The following TEAD2 variants were observed in gnomAD, a reference collection of about 807,000 sequenced individuals.
The protein encoded by TEAD2 is transcriptional enhancer factor TEF-4.
A neutral mutation model predicts 61.4 loss-of-function variants in TEAD2; 51 were observed. The observed-to-expected ratio is 0.83, with a 90% CI of 0.66 to 1.05. The LOEUF is 1.05. Among genes scored for constraint, TEAD2 ranks in the 50% least tolerant of loss-of-function variants. The pLI, the probability that TEAD2 is intolerant of heterozygous loss-of-function variation, is 0.00. For missense variants in TEAD2, 509 were observed against 600.0 expected (o/e 0.85, Z 1.58); for synonymous variants, 244 against 243.2 (o/e 1.00, Z -0.03).
intron 9 of TEAD2, among the ~76,000 whole-genome samples, chr19:49,347,677 CAT>C (rs1205016449): frequency 1.3e-5 from 2 of 152,170 alleles, no homozygotes; most frequent in Non-Finnish European, 2.9e-5. Context: ...GTTCATCCCT[CAT>C]GTGGCTCCAG....
chr19:49,351,598 A>C (rs1972028304), intron 7 of TEAD2, among the ~76,000 whole-genome samples: 1 of 152,184 alleles, frequency 6.6e-6, no homozygotes, highest in Non-Finnish European at 1.5e-5. Flanking sequence ...GTTGAGATGC[A>C]GCAGAGCTGG....
Position 49,359,366 on chromosome 19 carries a change from G to T in TEAD2, c.297+69C>A. The T allele has an allele frequency of 1.4e-6, 2 of 1,453,776 alleles. No individual in the cohort carries two copies. Among genetic ancestry groups the T allele is most frequent in the Non-Finnish European group, 1.9e-6 (2 of 1,036,644 alleles). The allele number at this position is 1,453,776 out of a possible 1,614,324, so 90.1% of individuals were successfully genotyped here. ...CAGCTTCTTCCTTGAACCTGAACCTGCCCATGCGAGGATGACCCTAAGAAG... is the reference window on the plus strand; with the variant it reads ...CAGCTTCTTCCTTGAACCTGAACCTTCCCATGCGAGGATGACCCTAAGAAG... On this transcript the variant is annotated intron_variant, in intron 3 of 12. Transcript: ENST00000593945. The surrounding 1 kb of genome is among the most constrained non-coding windows in gnomAD (Gnocchi z 4.1).
intron 7 of TEAD2, among the ~76,000 whole-genome samples, chr19:49,352,488 C>G (rs1355961665): frequency 6.6e-6 from 1 of 152,100 alleles, no homozygotes; most frequent in Non-Finnish European, 1.5e-5. Flanking sequence ...GCAGGAAGAT[C>G]GCTTGAGCCC....
chr19:49,357,336 C>A (rs375678005), intron 3 of TEAD2, 22 bp from the exon 4 acceptor site: 2 of 1,613,020 alleles, frequency 1.2e-6, no homozygotes, highest in Admixed American at 3.3e-5. Context: ...AACGGAGAAG[C>A]AGATTCAGGC....
rs1972641013 is a variant in TEAD2 at position 49,359,324 on chromosome 19, G to C, written c.297+111C>G. 1 of 903,966 alleles carries C rather than the reference G, an allele frequency of 1.1e-6. No individual in the cohort carries two copies. The highest frequency in any genetic ancestry group is 1.8e-6 in the Non-Finnish European group (1 of 548,774). The allele number at this position is 903,966 out of a possible 1,614,324, so 56.0% of individuals were successfully genotyped here. On this transcript the variant is annotated intron_variant, in intron 3 of 12. Coordinates refer to ENST00000593945, the MANE Select transcript of TEAD2 (RefSeq NM_001256660.2). This position sits in a 1 kb window ranked among gnomAD's most constrained non-coding sequence, Gnocchi z 4.1. ...GACTAACACACATGCCGAGAAGACA[G>C]ATGAACGCACAGGAAGCAGCTTCTT...
intron 9 of TEAD2, among the ~76,000 whole-genome samples, chr19:49,348,431 T>C (rs1971787252): frequency 6.6e-6 from 1 of 152,162 alleles, no homozygotes; most frequent in African/African-American, 2.4e-5. Context: ...TCCCAACTTG[T>C]CACCCTATGA....
chr19:49,356,794 C>A (rs1824682769), intron 4 of TEAD2, among the ~76,000 whole-genome samples: 1 of 151,954 alleles, frequency 6.6e-6, no homozygotes, highest in South Asian at 2.1e-4. Flanking sequence ...CTCCTCCATG[C>A]CATCGCTCCC....
intron 1 of TEAD2, among the ~76,000 whole-genome samples, chr19:49,360,620 A>G (rs977977993): frequency 6.6e-6 from 1 of 152,000 alleles, no homozygotes; most frequent in African/African-American, 2.4e-5. Context: ...TGGGGAAGGA[A>G]GGTGTGGGTG....
intron 1 of TEAD2, 112 bp from the exon 2 acceptor site, chr19:49,360,193 A>C (rs959361648): frequency 1.2e-6 from 1 of 816,506 alleles, no homozygotes; most frequent in Non-Finnish European, 1.9e-6. Flanking sequence ...GGGGCTGGGG[A>C]CCTGGACTCC....
At chr19:49,354,467 G>A (rs1283282629) in intron 7 of TEAD2, among the ~76,000 whole-genome samples, 2 of 150,284 alleles carry the variant, frequency 1.3e-5, no homozygotes, top group Admixed American at 6.6e-5. Flanking sequence ...TTGTGCCACC[G>A]CACCCCAGCT....
intron 7 of TEAD2, among the ~76,000 whole-genome samples, chr19:49,352,460 C>T (rs1343502785): frequency 6.6e-6 from 1 of 152,146 alleles, no homozygotes; most frequent in Non-Finnish European, 1.5e-5. Flanking sequence ...TGTATTCCCA[C>T]CACTTTGGGA....
At chr19:49,344,007 A>C (rs539093167) in intron 10 of TEAD2, among the ~76,000 whole-genome samples, 20 of 151,986 alleles carry the variant, frequency 1.3e-4, no homozygotes, top group Admixed American at 9.2e-4. Flanking sequence ...CACCACATCC[A>C]GCTAATATTT....
chr19:49,347,895 C>T (rs537970357), intron 9 of TEAD2, among the ~76,000 whole-genome samples: 8 of 152,324 alleles, frequency 5.3e-5, no homozygotes, highest in South Asian at 2.1e-4. Flanking sequence ...GAGACTGCTA[C>T]GTGTTCACAA....
At position 49,358,377 on chromosome 19, in the gene TEAD2, T is replaced by C. The variant is rs552877449; in HGVS notation, c.297+1058A>G. ...CTGCAGTGAGCTGAGATCACGGCAC[T>C]GCACTCCAGCTTGGGAGACACAGTG... On this transcript the variant is annotated intron_variant, in intron 3 of 12. Coordinates refer to ENST00000593945, the MANE Select transcript of TEAD2 (RefSeq NM_001256660.2). Among the ~76,000 whole-genome samples, 23 of 152,118 alleles carry C rather than the reference T, an allele frequency of 1.5e-4. No individual in the cohort carries two copies. The South Asian group carries it at 3.3e-3, about 22-fold the overall frequency.
At position 49,341,581 on chromosome 19, in the gene TEAD2, G is replaced by C. The variant is rs774470561; in HGVS notation, c.1243-144C>G. ...GCCGCCACCATATCATGTTCCCCAG[G>C]AGAAAGGGATGCCCAAAAGTCAGTT... On this transcript the variant is annotated intron_variant, in intron 12 of 12. Transcript: ENST00000593945. The surrounding 1 kb of genome is among the most constrained non-coding windows in gnomAD (Gnocchi z 4.2). 14 of 684,192 alleles carry C rather than the reference G, an allele frequency of 2.0e-5. No individual in the cohort carries two copies. Among genetic ancestry groups the C allele is most frequent in the Non-Finnish European group, 3.5e-5 (14 of 397,016 alleles). The allele number at this position is 684,192 out of a possible 1,614,324, so 42.4% of individuals were successfully genotyped here.
At chr19:49,345,864 A>G (rs79463118) in intron 10 of TEAD2, among the ~76,000 whole-genome samples, 2 of 151,992 alleles carry the variant, frequency 1.3e-5, no homozygotes, top group Non-Finnish European at 2.9e-5. Flanking sequence ...CCCTGTCTCT[A>G]CTAAAAATAC....
chr19:49,360,405 G>A (rs1422432744), intron 1 of TEAD2: 5 of 390,252 alleles, frequency 1.3e-5, no homozygotes, highest in African/African-American at 2.0e-5. Flanking sequence ...AGAAGGGGCT[G>A]GGGTCTGGAC....
intron 5 of TEAD2, 127 bp downstream of exon 5, chr19:49,355,832 G>GAA: frequency 3.4e-6 from 3 of 885,346 alleles, no homozygotes; most frequent in Non-Finnish European, 4.6e-6. Context: ...TCTCCAAAAA[G>GAA]AAAAAAAAAG....
At position 49,359,217 on chromosome 19, in the gene TEAD2, A is replaced by T. The variant is rs1156385245; in HGVS notation, c.297+218T>A. Reference sequence around the variant, plus strand: ...CGCGCCACTGCACTCCGGCCTGGGCAACAGAGCTAGACTCCATTTCAAAAA... The same window carrying T: ...CGCGCCACTGCACTCCGGCCTGGGCTACAGAGCTAGACTCCATTTCAAAAA... On this transcript the variant is annotated intron_variant, in intron 3 of 12. Transcript: ENST00000593945. The surrounding 1 kb of genome is among the most constrained non-coding windows in gnomAD (Gnocchi z 4.1). The T allele has an allele frequency of 9.5e-6, 5 of 524,390 alleles. No individual in the cohort carries two copies. The highest frequency in any genetic ancestry group is 1.4e-5 in the Non-Finnish European group (4 of 290,340). The allele number at this position is 524,390 out of a possible 1,614,324, so 32.5% of individuals were successfully genotyped here. A position where few individuals can be genotyped will look rare whatever the true frequency, so the allele number is the denominator to read the frequency against.
Sources: gnomAD v4.1 joint callset for allele counts (sites outside exome capture counted in the v4.1 genomes callset) on GRCh38, gnomAD v4.1.1 for gene constraint, Gnocchi (gnomAD v3.1) non-coding constraint, MANE v1.5 for transcripts, NCBI Gene and HGNC (gene_info 2026-07-23, HGNC 2026-07-21) for gene names.